Variants in SCN8A observed in about 807,000 individuals in gnomAD.
The protein encoded by SCN8A is sodium channel protein type 8 subunit alpha.
A neutral mutation model predicts 184.1 loss-of-function variants in SCN8A; 30 were observed. The ratio of observed to expected loss-of-function variants is 0.16; its 90% CI spans 0.12 to 0.22. The LOEUF (loss-of-function observed/expected upper bound fraction) is 0.22. Ranked by LOEUF, SCN8A falls within the 10% of genes least tolerant of loss-of-function variation. The pLI is 1.00. For synonymous variants in SCN8A, 852 were observed against 907.0 expected (o/e 0.94, Z 1.09); for missense variants, 1,057 against 2,498.9 (o/e 0.42, Z 12.30).
rs756563279 is a variant in SCN8A, at chr12:51,776,580, A to G, written c.3819+2218A>G. Among the ~76,000 whole-genome samples the G allele has an allele frequency of 3.9e-5, 6 of 152,362 alleles. 1 individual carries two copies. The highest frequency in any genetic ancestry group is 7.2e-5 in the African/African-American group (3 of 41,590). ...GCTTACACTAGCTTCCATAGCAACTATGTCCTGACTCCAGGCTTGTGCTAG... is the reference window on the plus strand; with the variant it reads ...GCTTACACTAGCTTCCATAGCAACTGTGTCCTGACTCCAGGCTTGTGCTAG... On this transcript the variant is annotated intron_variant, in intron 20 of 26. Coordinates refer to ENST00000627620, the MANE Select transcript of SCN8A (RefSeq NM_001330260.2).
chr12:51,685,909 T>C (rs953108701), intron 3 of SCN8A, among the ~76,000 whole-genome samples: 1 of 152,208 alleles, frequency 6.6e-6, no homozygotes, highest in Non-Finnish European at 1.5e-5. Flanking sequence ...AAGTGAACCA[T>C]TGCATGTAGA....
intron 12 of SCN8A, among the ~76,000 whole-genome samples, chr12:51,734,570 T>C (rs1313650462): frequency 6.6e-6 from 1 of 152,248 alleles, no homozygotes; most frequent in Non-Finnish European, 1.5e-5. Flanking sequence ...CAGGTGTTCC[T>C]TGCCGTCATT....
At chr12:51,777,123 C>G (rs924777913) in intron 20 of SCN8A, among the ~76,000 whole-genome samples, 2 of 152,178 alleles carry the variant, frequency 1.3e-5, no homozygotes, top group Non-Finnish European at 2.9e-5. Flanking sequence ...GCAGAGACTA[C>G]TTGCCTTGGC....
At chr12:51,666,708 C>T (rs1032165635) in intron 2 of SCN8A, among the ~76,000 whole-genome samples, 1 of 152,218 alleles carries the variant, frequency 6.6e-6, no homozygotes, top group African/African-American at 2.4e-5. Flanking sequence ...TTCCTTCCCT[C>T]TTTCTCCTAG....
At chr12:51,744,988 C>G (rs1397370910) in intron 12 of SCN8A, among the ~76,000 whole-genome samples, 1 of 152,144 alleles carries the variant, frequency 6.6e-6, no homozygotes, top group Non-Finnish European at 1.5e-5. Context: ...AGAGCCAAGT[C>G]TACATGGGTG....
At chr12:51,800,052 A>G (rs1938511947) in intron 26 of SCN8A, among the ~76,000 whole-genome samples, 1 of 152,222 alleles carries the variant, frequency 6.6e-6, no homozygotes. Context: ...TGTGGAAGGG[A>G]AAAGCGATCA....
Position 51,810,898 on chromosome 12 carries a change from C to T in SCN8A, c.*3469C>T, listed in dbSNP as rs981668662. On this transcript the variant is annotated 3_prime_UTR_variant, in exon 27 of 27. Transcript: ENST00000627620. ...TTGACTGGAGAGAGATAAACAAACT[C>T]CCAGTCAAAGCCCCTAAAGCGACAG... is the stretch of plus-strand genomic sequence containing the variant. 6.6e-6 allele frequency: 1 copy of T among 152,184 alleles called. No individual in the cohort carries two copies. The highest frequency in any genetic ancestry group is 2.4e-5 in the African/African-American group (1 of 41,426). The allele number at this position is 152,184 out of a possible 1,614,324, so 9.4% of individuals were successfully genotyped here.
Position 51,706,409 on chromosome 12 carries a change from G to T in SCN8A, c.1342-13G>T, listed in dbSNP as rs1336911923. On this transcript the variant is annotated splice_polypyrimidine_tract_variant and intron_variant, in intron 10 of 26. Coordinates refer to ENST00000627620, the MANE Select transcript of SCN8A (RefSeq NM_001330260.2). ...GCCCTGGTCTGGCTTCCCTGCTGTG[G>T]CTTCTTTCCTAGGCTGCTGCGATGG... 13 of 1,544,782 alleles carry T rather than the reference G, an allele frequency of 8.4e-6. No homozygotes were observed. The highest frequency in any genetic ancestry group is 1.1e-5 in the Non-Finnish European group (13 of 1,149,172).
intron 11 of SCN8A, among the ~76,000 whole-genome samples, chr12:51,707,799 G>A (rs1275787146): frequency 6.6e-6 from 1 of 152,150 alleles, no homozygotes; most frequent in Non-Finnish European, 1.5e-5. Flanking sequence ...CCCACAACAG[G>A]TAAACTCTTT....
chr12:51,705,471 G>A lies in SCN8A; in HGVS notation c.1189G>A (p.Val397Met), dbSNP rs184287433. 1 of 1,614,040 alleles carries A rather than the reference G, an allele frequency of 6.2e-7. No individual in the cohort carries two copies. Among genetic ancestry groups the A allele is most frequent in the East Asian group, 2.2e-5 (1 of 44,880 alleles). The change falls in exon 10 of 27, where the codon GTG becomes ATG. Residue 397 changes from valine to methionine, a missense_variant. Physicochemically the swap from Val to Met is conservative, Grantham distance 21. This residue lies in a region of SCN8A where 27 missense variants were observed against 150.1 expected (regional missense o/e 0.18). Coordinates refer to ENST00000627620, the MANE Select transcript of SCN8A (RefSeq NM_001330260.2). Reference sequence around the variant, plus strand: ...GATCTTCTTCGTCTTGGTCATCTTTGTGGGTTCTTTCTATCTGGTGAACTT... The same window carrying A: ...GATCTTCTTCGTCTTGGTCATCTTTATGGGTTCTTTCTATCTGGTGAACTT... ...YMIFFVLVIFVGSFYLVNLIL... is the reference protein window; with the variant it reads ...YMIFFVLVIFMGSFYLVNLIL...
At chr12:51,591,622 C>G (rs979223668) in intron 1 of SCN8A, among the ~76,000 whole-genome samples, 5 of 152,334 alleles carry the variant, frequency 3.3e-5, no homozygotes, top group Non-Finnish European at 5.9e-5. Flanking sequence ...CCCGGACACC[C>G]TGCTTTCTCC....
rs554467987 is a variant in SCN8A, at chr12:51,703,200, A to T, written c.1134+286A>T. Among the ~76,000 whole-genome samples, 21 of 151,836 alleles carry T rather than the reference A, an allele frequency of 1.4e-4. 1 individual carries two copies. The South Asian group carries it at 1.9e-3, about 14-fold the overall frequency. On this transcript the variant is annotated intron_variant, in intron 9 of 26. Coordinates refer to ENST00000627620, the MANE Select transcript of SCN8A (RefSeq NM_001330260.2). The stretch of plus-strand genomic sequence containing the variant: ...CTTCCTATTGTTCATCCTCTGCAGC[A>T]TATCTCCTTTTGGATATTTGGGGTT...
chr12:51,811,648 T>TC lies in SCN8A; in HGVS notation c.*4224dup, dbSNP rs1199166568. The TC allele has an allele frequency of 6.5e-6, 1 of 152,790 alleles. No individual in the cohort carries two copies. The highest frequency in any genetic ancestry group is 1.5e-5 in the Non-Finnish European group (1 of 68,592). 9.5% of individuals were successfully genotyped at this position (152,790 alleles called of 1,614,324 possible). ...ACGCTTCCTCTTCCTTCTCTCCCTG[T>TC]CCCCCTTTGGGGACATCCCTCTCTA... On this transcript the variant is annotated 3_prime_UTR_variant, in exon 27 of 27. Transcript: ENST00000627620.
chr12:51,783,086 T>G (rs554243574), intron 21 of SCN8A, among the ~76,000 whole-genome samples: 4 of 152,332 alleles, frequency 2.6e-5, no homozygotes, highest in African/African-American at 9.6e-5. Context: ...CCACCTCATT[T>G]GATTGACTCC....
Position 51,810,174 on chromosome 12 carries a change from C to G in SCN8A, c.*2745C>G, listed in dbSNP as rs1938843521. Reference sequence around the variant, plus strand: ...CCAGCAGGCTGTCTCCTCAGTAACACATGGGCCTTGGTATCTGGCACCCAT... The same window carrying G: ...CCAGCAGGCTGTCTCCTCAGTAACAGATGGGCCTTGGTATCTGGCACCCAT... On this transcript the variant is annotated 3_prime_UTR_variant, in exon 27 of 27. Coordinates refer to ENST00000627620, the MANE Select transcript of SCN8A (RefSeq NM_001330260.2). 1 of 239,570 alleles carries G rather than the reference C, an allele frequency of 4.2e-6. No homozygotes were observed. The highest frequency in any genetic ancestry group is 2.3e-5 in the African/African-American group (1 of 42,798). The allele number at this position is 239,570 out of a possible 1,614,324, so 14.8% of individuals were successfully genotyped here. A position where few individuals can be genotyped will look rare whatever the true frequency, so the allele number is the denominator to read the frequency against.
intron 11 of SCN8A, among the ~76,000 whole-genome samples, chr12:51,718,888 A>T (rs1334443363): frequency 6.6e-6 from 1 of 152,210 alleles, no homozygotes; most frequent in Non-Finnish European, 1.5e-5. Context: ...TGTCCTCAGA[A>T]ATCAAGAAAG....
At chr12:51,713,662 C>A in intron 11 of SCN8A, 1 of 554,284 alleles carries the variant, frequency 1.8e-6, no homozygotes. Flanking sequence ...CGACCTATTT[C>A]TCTATATTTT....
intron 2 of SCN8A, among the ~76,000 whole-genome samples, chr12:51,663,876 C>T (rs4761992): frequency 0.81 from 120,232 of 148,642 alleles, 49,672 homozygotes; most frequent in East Asian, 0.99. Context: ...CATCAGACAC[C>T]GTTTTAGGGA....
intron 1 of SCN8A, among the ~76,000 whole-genome samples, chr12:51,603,731 A>T (rs961926554): frequency 4.8e-5 from 7 of 146,402 alleles, no homozygotes; most frequent in Non-Finnish European, 9.1e-5. Context: ...TCAGGTTTAA[A>T]TTTTTTTTTT....
Sources: gnomAD v4.1 joint callset for allele counts (sites outside exome capture counted in the v4.1 genomes callset) on GRCh38, gnomAD v4.1.1 for gene constraint, gnomAD v4.1.1 regional missense constraint, MANE v1.5 for transcripts, NCBI Gene and HGNC (gene_info 2026-07-23, HGNC 2026-07-21) for gene names.